MYOM1: variants seen among roughly 807,000 people sequenced by gnomAD.
MYOM1 encodes myomesin 1.
Under a neutral mutation model 205.3 loss-of-function variants are expected in MYOM1, and 164 were observed. The ratio of observed to expected loss-of-function variants is 0.80; its 90% confidence interval spans 0.70 to 0.91. The LOEUF is 0.91. Ranked by LOEUF, MYOM1 falls within the 40% of genes least tolerant of loss-of-function variation. The probability of loss-of-function intolerance (pLI) is 0.00; values close to 1 mark genes in which losing one functional copy is unlikely to be tolerated. For missense variants in MYOM1, 2,011 were observed against 2,127.3 expected (o/e 0.95, Z 1.08); for synonymous variants, 772 against 789.4 (o/e 0.98, Z 0.37).
At position 3,188,246 on chromosome 18, in the gene MYOM1, C is replaced by T. The variant is rs2080849563; in HGVS notation, c.771+502G>A. On this transcript the variant is annotated intron_variant, in intron 4 of 37. Transcript: ENST00000356443. ...TAAAACTATTGTTTGCTTTCTTTGA[C>T]CTACATATTAATATTTTAATGTCTT... 2.0e-5 allele frequency among the ~76,000 whole-genome samples: 3 copies of T among 152,172 alleles called. No homozygotes were observed. In the South Asian group the frequency reaches 6.2e-4, roughly 32 times the overall value.
At chr18:3,119,727 T>C (rs2079656899) in intron 20 of MYOM1, 142 bp downstream of exon 20, 1 of 1,045,364 alleles carries the variant, frequency 9.6e-7, no homozygotes, top group African/African-American at 1.6e-5. Flanking sequence ...ATCATTAAAA[T>C]ATTTTAGGTA....
At chr18:3,085,016 A>G in intron 31 of MYOM1, 29 bp downstream of exon 31, 2 of 1,543,414 alleles carry the variant, frequency 1.3e-6, no homozygotes, top group South Asian at 2.3e-5. Flanking sequence ...GAAACACACA[A>G]GACAGACCCC....
intron 17 of MYOM1, among the ~76,000 whole-genome samples, chr18:3,130,355 G>T (rs1435415272): frequency 6.6e-6 from 1 of 151,744 alleles, no homozygotes; most frequent in African/African-American, 2.4e-5. Flanking sequence ...TATGTTATAA[G>T]GAATATGAAA....
At chr18:3,075,421 T>A (rs1006853258) in intron 36 of MYOM1, 33 bp downstream of exon 36, 4 of 1,593,802 alleles carry the variant, frequency 2.5e-6, no homozygotes, top group Non-Finnish European at 3.4e-6. Context: ...ATCCCAGGAG[T>A]ACTTGTGAAA....
chr18:3,223,661 C>T (rs1038454506), upstream of MYOM1, among the ~76,000 whole-genome samples: 6 of 152,178 alleles, frequency 3.9e-5, no homozygotes, highest in African/African-American at 1.4e-4. Flanking sequence ...TCTATTCTTG[C>T]CTTGCTCATA....
chr18:3,206,541 AC>A lies in MYOM1; in HGVS notation c.290+8392del, dbSNP rs1241015177. On this transcript the variant is annotated intron_variant, in intron 2 of 37. Coordinates refer to ENST00000356443, the MANE Select transcript of MYOM1 (RefSeq NM_003803.4). ...TCTACTCTCCAATTTTCTGTTCGCC[AC>A]AATTTCCTCTTCGCAAAACCTGAAA... Among the ~76,000 whole-genome samples the A allele has an allele frequency of 5.3e-5, 8 of 152,212 alleles. No homozygotes were observed. The East Asian group carries it at 1.5e-3, about 29-fold the overall frequency.
At chr18:3,172,415 G>A (rs760944465) in intron 8 of MYOM1, among the ~76,000 whole-genome samples, 3 of 152,160 alleles carry the variant, frequency 2.0e-5, no homozygotes, top group Non-Finnish European at 2.9e-5. Context: ...TGATACAGTT[G>A]TGGAGATGGG....
rs766227907 is a variant in MYOM1, at chr18:3,193,898, C to G, written c.351G>C (p.Lys117Asn). 1.7e-5 allele frequency: 28 copies of G among 1,613,780 alleles called. No individual in the cohort carries two copies. The highest frequency in any genetic ancestry group is 2.4e-5 in the Non-Finnish European group (28 of 1,179,848). The part of the protein sequence containing the change: ...DYSSKLSPKP[K>N]RAKHSLLSGE... Reference sequence around the variant, plus strand: ...CAGACAGTAGGCTGTGCTTGGCTCTCTTTGGTTTGGGGCTCAACTTGGATG... The same window carrying G: ...CAGACAGTAGGCTGTGCTTGGCTCTGTTTGGTTTGGGGCTCAACTTGGATG... The change falls in exon 3 of 38, where the codon AAG becomes AAC. Residue 117 changes from lysine (K) to asparagine (N), a missense_variant. Physicochemically the swap from Lys to Asn is moderately conservative, Grantham distance 94. Transcript: ENST00000356443.
chr18:3,212,560 T>C (rs939855692), intron 2 of MYOM1, among the ~76,000 whole-genome samples: 2 of 152,238 alleles, frequency 1.3e-5, no homozygotes, highest in Admixed American at 1.3e-4. Flanking sequence ...AAAGATCCTT[T>C]AAAAATACAA....
intron 4 of MYOM1, among the ~76,000 whole-genome samples, chr18:3,188,226 C>CA (rs1163765563): frequency 6.6e-6 from 1 of 152,062 alleles, no homozygotes; most frequent in African/African-American, 2.4e-5. Context: ...GAGTTTAAAA[C>CA]TATTGTTTGC....
intron 26 of MYOM1, among the ~76,000 whole-genome samples, chr18:3,091,278 T>G (rs190477385): frequency 5.2e-4 from 79 of 151,972 alleles, no homozygotes; most frequent in African/African-American, 1.8e-3. Flanking sequence ...ATCGCACCAT[T>G]GCACTCCAGC....
In MYOM1 at chr18:3,197,381, G is replaced by A. The variant is rs975907270; in HGVS notation, c.291-3423C>T. ...TCAAACTCCTGATCTCAGGTGATCCGCCTGCCTTGGCCTCCCAAAGTGCTG... is the reference window on the plus strand; with the variant it reads ...TCAAACTCCTGATCTCAGGTGATCCACCTGCCTTGGCCTCCCAAAGTGCTG... On this transcript the variant is annotated intron_variant, in intron 2 of 37. Coordinates refer to ENST00000356443, the MANE Select transcript of MYOM1 (RefSeq NM_003803.4). Among the ~76,000 whole-genome samples the A allele has an allele frequency of 7.9e-5, 12 of 151,758 alleles. No homozygotes were observed. The East Asian group carries it at 1.2e-3, about 15-fold the overall frequency.
chr18:3,197,112 A>C (rs529198598), intron 2 of MYOM1, among the ~76,000 whole-genome samples: 6 of 149,064 alleles, frequency 4.0e-5, no homozygotes, highest in Non-Finnish European at 7.4e-5. Context: ...TGTTCTTTAC[A>C]CTATACCAGT....
chr18:3,164,209 T>C (rs540592471), intron 10 of MYOM1, 69 bp downstream of exon 10: 1 of 1,496,226 alleles, frequency 6.7e-7, no homozygotes, highest in East Asian at 2.3e-5. Context: ...AACTGTTTTG[T>C]AATCAAAAAC....
intron 9 of MYOM1, among the ~76,000 whole-genome samples, chr18:3,166,703 A>G (rs776406761): frequency 1.1e-4 from 17 of 152,196 alleles, no homozygotes; most frequent in Non-Finnish European, 1.6e-4. Flanking sequence ...AGTCATACAA[A>G]TAATAGTAAT....
intron 34 of MYOM1, 121 bp downstream of exon 34, chr18:3,079,058 C>T: frequency 1.1e-6 from 1 of 925,022 alleles, no homozygotes; most frequent in Non-Finnish European, 1.6e-6. Flanking sequence ...AGTCATCCTC[C>T]TGCCTTGGCC....
At chr18:3,232,758 TAAG>T in the MYOM1 span, among the ~76,000 whole-genome samples, 4 of 152,250 alleles carry the variant, frequency 2.6e-5, no homozygotes, top group East Asian at 7.7e-4. Flanking sequence ...ATATATGCTA[TAAG>T]AAATTAATTA....
At position 3,152,563 on chromosome 18, in the gene MYOM1, G is replaced by A. The variant is rs139926299; in HGVS notation, c.1644-670C>T. Among the ~76,000 whole-genome samples, 1 of 152,310 alleles carries A rather than the reference G, an allele frequency of 6.6e-6. No homozygotes were observed. Among genetic ancestry groups the A allele is most frequent in the East Asian group, 1.9e-4 (1 of 5,178 alleles). On this transcript the variant is annotated intron_variant, in intron 11 of 37. Transcript: ENST00000356443. This position sits in a 1 kb window ranked among gnomAD's most constrained non-coding sequence, Gnocchi z 4.3. ...GCTTTTACAGCAGTTGGTACCTGGG[G>A]ATGGAGTGGGTCATTCCCAGCAGAC...
At chr18:3,075,969 T>C (rs1162873909) in intron 34 of MYOM1, among the ~76,000 whole-genome samples, 1 of 152,166 alleles carries the variant, frequency 6.6e-6, no homozygotes, top group Non-Finnish European at 1.5e-5. Flanking sequence ...TATGAAATAG[T>C]AGATTTTAGA....
Sources: gnomAD v4.1 joint callset for allele counts (sites outside exome capture counted in the v4.1 genomes callset) on GRCh38, gnomAD v4.1.1 for gene constraint, Gnocchi (gnomAD v3.1) non-coding constraint, MANE v1.5 for transcripts, NCBI Gene and HGNC (gene_info 2026-07-23, HGNC 2026-07-21) for gene names.